Variants in APLP2 observed in about 807,000 individuals in gnomAD.
APLP2 encodes CDEI box-binding protein.
Under a neutral mutation model 89.9 loss-of-function variants are expected in APLP2, and 53 were observed. That is an observed-to-expected ratio of 0.59 (90% confidence interval 0.47 to 0.74). The LOEUF is 0.74. Ranked by LOEUF, APLP2 falls within the 30% of genes least tolerant of loss-of-function variation. The pLI is 0.00. For missense variants in APLP2, 973 were observed against 975.9 expected (o/e 1.00, Z 0.04); for synonymous variants, 372 against 348.6 (o/e 1.07, Z -0.75).
chr11:130,120,872 TA>T, intron 4 of APLP2, 54 bp downstream of exon 4: 2 of 1,272,786 alleles, frequency 1.6e-6, no homozygotes, highest in Non-Finnish European at 2.3e-6. Context: ...AGGAGGGAAG[TA>T]GCACTTTTCT....
chr11:130,141,248 C>T lies in APLP2; in HGVS notation c.1924-250C>T. 1 of 497,912 alleles carries T rather than the reference C, an allele frequency of 2.0e-6. No homozygotes were observed. Among genetic ancestry groups the T allele is most frequent in the South Asian group, 2.5e-5 (1 of 39,988 alleles). 30.8% of individuals were successfully genotyped at this position (497,912 alleles called of 1,614,324 possible). A position where few individuals can be genotyped will look rare whatever the true frequency, so the allele number is the denominator to read the frequency against. On this transcript the variant is annotated intron_variant, in intron 14 of 16. Transcript: ENST00000338167. The surrounding 1 kb of genome is among the most constrained non-coding windows in gnomAD (Gnocchi z 4.2). ...CAGTCTGTTCTGAGATACGTCTCCA[C>T]AACGGTTACTTGAAGGAAAATGCAT...
intron 1 of APLP2, among the ~76,000 whole-genome samples, chr11:130,081,982 C>T (rs951327533): frequency 6.6e-6 from 1 of 152,134 alleles, no homozygotes; most frequent in Non-Finnish European, 1.5e-5. Flanking sequence ...TCATTATTAG[C>T]AAACATTTAT....
Position 130,127,951 on chromosome 11 carries a change from G to T in APLP2, c.1296+111G>T, listed in dbSNP as rs554037202. ...GGACACCACCTCCTTTTAGGTGAGG[G>T]CTTACAAGGAAGTTGTAACTGGCCT... On this transcript the variant is annotated intron_variant, in intron 9 of 16. Coordinates refer to ENST00000338167, the MANE Select transcript of APLP2 (RefSeq NM_001142276.2). 173 of 879,226 alleles carry T rather than the reference G, an allele frequency of 2.0e-4. No homozygotes were observed. In the South Asian group the frequency reaches 2.6e-3, roughly 13 times the overall value. The allele number at this position is 879,226 out of a possible 1,614,324, so 54.5% of individuals were successfully genotyped here.
intron 7 of APLP2, among the ~76,000 whole-genome samples, chr11:130,124,972 G>T (rs1784525811): frequency 6.6e-6 from 1 of 152,206 alleles, no homozygotes; most frequent in African/African-American, 2.4e-5. Flanking sequence ...GGGTCAGCTG[G>T]GTGGTGCTGT....
intron 3 of APLP2, among the ~76,000 whole-genome samples, chr11:130,119,772 C>T (rs1265133722): frequency 6.6e-6 from 1 of 152,162 alleles, no homozygotes; most frequent in East Asian, 1.9e-4. Context: ...TGGGATATCA[C>T]GACAGTTCAT....
chr11:130,069,963 G>A lies in APLP2; in HGVS notation c.-15G>A. ...GTGAGCTTGAGAGCCGCGCGCTAGAGCGACCCGGCGAGGGATGGCGGCCAC... is the reference window on the plus strand; with the variant it reads ...GTGAGCTTGAGAGCCGCGCGCTAGAACGACCCGGCGAGGGATGGCGGCCAC... On this transcript the variant is annotated 5_prime_UTR_variant, in exon 1 of 17. Transcript: ENST00000338167. The A allele has an allele frequency of 1.3e-6, 2 of 1,498,540 alleles. No homozygotes were observed. The highest frequency in any genetic ancestry group is 1.8e-6 in the Non-Finnish European group (2 of 1,126,680). The allele number at this position is 1,498,540 out of a possible 1,614,324, so 92.8% of individuals were successfully genotyped here. A position where few individuals can be genotyped will look rare whatever the true frequency, so the allele number is the denominator to read the frequency against.
At chr11:130,127,658 C>T (rs1236514998) in intron 8 of APLP2, 108 bp from the exon 9 acceptor site, 5 of 923,196 alleles carry the variant, frequency 5.4e-6, no homozygotes, top group Non-Finnish European at 8.8e-6. Context: ...GATTGGTTTC[C>T]TTTTGCAGTT....
intron 1 of APLP2, among the ~76,000 whole-genome samples, chr11:130,071,566 A>C (rs145674864): frequency 1.3e-3 from 192 of 152,318 alleles, no homozygotes; most frequent in African/African-American, 4.1e-3. Flanking sequence ...CGGGTGTCAG[A>C]AACCATCGTT....
At chr11:130,117,657 A>G (rs1165168521) in intron 3 of APLP2, among the ~76,000 whole-genome samples, 1 of 152,162 alleles carries the variant, frequency 6.6e-6, no homozygotes, top group African/African-American at 2.4e-5. Context: ...GCATCTATAA[A>G]CAATGTTTTT....
intron 1 of APLP2, among the ~76,000 whole-genome samples, chr11:130,097,740 T>G (rs1946400809): frequency 6.6e-6 from 1 of 152,208 alleles, no homozygotes; most frequent in African/African-American, 2.4e-5. Context: ...AGTGTTTGGT[T>G]TTTATGGAAT....
rs1950032555 is a variant in APLP2, at chr11:130,123,333, A to G, written c.923-279A>G. ...GAAATGTGAGGCTCTCGCAGCTGTG[A>G]GACAAAGGAATTGCTCTACGTCAAT... On this transcript the variant is annotated intron_variant, in intron 6 of 16. Transcript: ENST00000338167. This position sits in a 1 kb window ranked among gnomAD's most constrained non-coding sequence, Gnocchi z 4.0. Among the ~76,000 whole-genome samples the G allele has an allele frequency of 6.6e-6, 1 of 152,246 alleles. No homozygotes were observed. Among genetic ancestry groups the G allele is most frequent in the Admixed American group, 6.5e-5 (1 of 15,288 alleles).
intron 1 of APLP2, chr11:130,101,787 G>T (rs1946964044): frequency 3.0e-6 from 1 of 335,790 alleles, no homozygotes; most frequent in East Asian, 8.6e-5. Flanking sequence ...AAACCAGGAG[G>T]TTTGCACTGG....
chr11:130,125,179 G>A (rs559664434), intron 7 of APLP2, among the ~76,000 whole-genome samples: 35 of 152,308 alleles, frequency 2.3e-4, no homozygotes, highest in Non-Finnish European at 7.3e-5. Flanking sequence ...CGGATGTGCC[G>A]GCTTCATGAG....
intron 13 of APLP2, chr11:130,139,019 T>C (rs1952013322): frequency 1.3e-5 from 2 of 152,206 alleles, no homozygotes; most frequent in Admixed American, 6.5e-5. Flanking sequence ...TTACAGTTGA[T>C]TGGGCTTGGT....
intron 1 of APLP2, among the ~76,000 whole-genome samples, chr11:130,104,832 T>G (rs1947438752): frequency 6.6e-6 from 1 of 152,192 alleles, no homozygotes; most frequent in Non-Finnish European, 1.5e-5. Flanking sequence ...TTAACTGAGG[T>G]GTTTTTCAGC....
At chr11:130,118,014 T>C (rs1362101393) in intron 3 of APLP2, among the ~76,000 whole-genome samples, 2 of 151,662 alleles carry the variant, frequency 1.3e-5, no homozygotes, top group African/African-American at 4.9e-5. Flanking sequence ...GAGGCAGAGT[T>C]TGTAGTGAGC....
At chr11:130,074,198 T>TTTG (rs902270785) in intron 1 of APLP2, among the ~76,000 whole-genome samples, 13 of 152,100 alleles carry the variant, frequency 8.5e-5, no homozygotes, top group South Asian at 2.1e-4. Flanking sequence ...GAAAACATGT[T>TTTG]TTGTTGTTGT....
At chr11:130,076,699 A>G (rs1215270395) in intron 1 of APLP2, among the ~76,000 whole-genome samples, 2 of 152,118 alleles carry the variant, frequency 1.3e-5, no homozygotes, top group Non-Finnish European at 2.9e-5. Flanking sequence ...CACACTCCCC[A>G]GTGGTTGTGG....
intron 13 of APLP2, among the ~76,000 whole-genome samples, chr11:130,136,538 G>T (rs1951635287): frequency 6.6e-6 from 1 of 152,128 alleles, no homozygotes; most frequent in Non-Finnish European, 1.5e-5. Flanking sequence ...AAGCTGATCT[G>T]GTCCTGCAGT....
Sources: gnomAD v4.1 joint callset for allele counts (sites outside exome capture counted in the v4.1 genomes callset) on GRCh38, gnomAD v4.1.1 for gene constraint, Gnocchi (gnomAD v3.1) non-coding constraint, MANE v1.5 for transcripts, NCBI Gene and HGNC (gene_info 2026-07-23, HGNC 2026-07-21) for gene names.